The following MRAP2 variants were observed in gnomAD, a reference collection of about 807,000 sequenced individuals.
The protein encoded by MRAP2 is melanocortin 2 receptor accessory protein 2, also known as melanocortin-2 receptor accessory protein 2.
Under a neutral mutation model 17.4 loss-of-function variants are expected in MRAP2, and 20 were observed. The observed-to-expected ratio is 1.15, with a 90% CI of 0.81 to 1.67. The LOEUF is 1.67. Among genes scored for constraint, MRAP2 ranks in the 40% most tolerant of loss-of-function variants. The pLI is 0.00. For missense variants in MRAP2, 238 were observed against 240.0 expected (o/e 0.99, Z 0.05); for synonymous variants, 96 against 88.4 (o/e 1.09, Z -0.48).
At chr6:84,045,516 A>C (rs2129160223) in intron 1 of MRAP2, among the ~76,000 whole-genome samples, 1 of 152,214 alleles carries the variant, frequency 6.6e-6, no homozygotes, top group Admixed American at 6.5e-5. Flanking sequence ...TGATTCTAGC[A>C]CTTTGGGAGG....
At chr6:84,062,673 A>C in intron 2 of MRAP2, 1 of 985,418 alleles carries the variant, frequency 1.0e-6, no homozygotes, top group Non-Finnish European at 1.2e-6. Context: ...AATGAGGCCT[A>C]AATCCCTTCA....
the MRAP2 span, among the ~76,000 whole-genome samples, chr6:84,105,714 A>G: frequency 6.6e-6 from 1 of 151,928 alleles, no homozygotes; most frequent in Non-Finnish European, 1.5e-5. Flanking sequence ...TGGATTAGTC[A>G]CTCTAGGCAA....
intron 3 of MRAP2, among the ~76,000 whole-genome samples, chr6:84,084,898 ATTTTATTTTAT>A (rs1467474168): frequency 8.8e-6 from 1 of 113,716 alleles, no homozygotes; most frequent in African/African-American, 3.6e-5. Flanking sequence ...ATTTTATTTT[ATTTTATTTTAT>A]TTTATTTATT....
chr6:84,130,097 C>T, the MRAP2 span, among the ~76,000 whole-genome samples: 2 of 152,108 alleles, frequency 1.3e-5, no homozygotes, highest in Admixed American at 6.5e-5. Flanking sequence ...TCGAAGGCCT[C>T]TTCTGCATCT....
At chr6:84,106,354 A>G in the MRAP2 span, among the ~76,000 whole-genome samples, 5 of 152,310 alleles carry the variant, frequency 3.3e-5, 1 homozygote, top group South Asian at 6.2e-4. Context: ...CACACTGTCT[A>G]TTCCACTAAG....
chr6:84,053,160 G>A (rs1200092076), intron 1 of MRAP2, among the ~76,000 whole-genome samples: 1 of 152,140 alleles, frequency 6.6e-6, no homozygotes, highest in African/African-American at 2.4e-5. Flanking sequence ...GTTCTGTGGT[G>A]TGCTGAATAG....
intron 2 of MRAP2, among the ~76,000 whole-genome samples, chr6:84,058,913 G>T (rs1294692805): frequency 6.6e-6 from 1 of 152,176 alleles, no homozygotes; most frequent in Non-Finnish European, 1.5e-5. Flanking sequence ...AGCAGTTTTA[G>T]TGGAATGCTG....
At chr6:84,067,669 T>G (rs1351856954) in intron 3 of MRAP2, among the ~76,000 whole-genome samples, 1 of 152,168 alleles carries the variant, frequency 6.6e-6, no homozygotes, top group Admixed American at 6.5e-5. Flanking sequence ...CTGTTGGCCA[T>G]TTGTATATCT....
the MRAP2 span, among the ~76,000 whole-genome samples, chr6:84,121,574 G>A: frequency 1.4e-4 from 21 of 152,088 alleles, no homozygotes. Context: ...AACCCAGGAG[G>A]CGGAGGTTGT....
chr6:84,141,560 T>C, the MRAP2 span, among the ~76,000 whole-genome samples: 1 of 152,278 alleles, frequency 6.6e-6, no homozygotes, highest in East Asian at 1.9e-4. Context: ...AACAAATTCC[T>C]TTAATCCTAA....
chr6:84,136,078 C>A, the MRAP2 span, among the ~76,000 whole-genome samples: 6,629 of 152,230 alleles, frequency 0.044, 468 homozygotes, highest in African/African-American at 0.15. Context: ...TTCCTGCTTT[C>A]TTTGCTGACA....
chr6:84,096,215 T>C, the MRAP2 span, among the ~76,000 whole-genome samples: 1 of 152,260 alleles, frequency 6.6e-6, no homozygotes, highest in East Asian at 1.9e-4. Flanking sequence ...TAACCTAGTT[T>C]GCAATGTTAC....
the MRAP2 span, among the ~76,000 whole-genome samples, chr6:84,110,828 G>A: frequency 1.3e-5 from 2 of 152,180 alleles, no homozygotes; most frequent in Non-Finnish European, 2.9e-5. Flanking sequence ...TGGCTAGCCT[G>A]TTTTCCCAAC....
At chr6:84,101,429 T>A in the MRAP2 span, among the ~76,000 whole-genome samples, 2 of 152,322 alleles carry the variant, frequency 1.3e-5, no homozygotes, top group East Asian at 3.9e-4. Context: ...AGCATAACTA[T>A]ATGAGTAGGG....
the MRAP2 span, among the ~76,000 whole-genome samples, chr6:84,126,127 C>T: frequency 6.6e-6 from 1 of 151,998 alleles, no homozygotes; most frequent in East Asian, 1.9e-4. Context: ...TTTTAGGAAT[C>T]CATCAATAAT....
chr6:84,117,404 G>A, the MRAP2 span, among the ~76,000 whole-genome samples: 1 of 152,040 alleles, frequency 6.6e-6, no homozygotes, highest in Non-Finnish European at 1.5e-5. Context: ...TTAGGGAGGA[G>A]TATCTCCTTT....
the MRAP2 span, among the ~76,000 whole-genome samples, chr6:84,106,116 A>G: frequency 2.1e-3 from 315 of 152,264 alleles, no homozygotes; most frequent in African/African-American, 7.4e-3. Flanking sequence ...TCAAATGACA[A>G]TCCCACCATT....
At chr6:84,128,726 G>C in the MRAP2 span, among the ~76,000 whole-genome samples, 2 of 151,900 alleles carry the variant, frequency 1.3e-5, no homozygotes, top group Non-Finnish European at 2.9e-5. Flanking sequence ...TTGTTCTGGG[G>C]TACATGTGCA....
the MRAP2 span, chr6:84,125,105 C>A: frequency 2.5e-6 from 4 of 1,613,088 alleles, no homozygotes; most frequent in Non-Finnish European, 3.4e-6. Flanking sequence ...TCTGCAAAAG[C>A]AACTGGCACA....
Sources: allele counts gnomAD v4.1 joint callset (sites outside exome capture counted in the v4.1 genomes callset), GRCh38; gene constraint gnomAD v4.1.1; transcripts MANE v1.5; gene names NCBI Gene and HGNC (gene_info 2026-07-23, HGNC 2026-07-21).